PDK1: variants seen among roughly 807,000 people sequenced by gnomAD.
PDK1 encodes pyruvate dehydrogenase kinase 1.
PDK1 carries 39 observed loss-of-function variants against 54.2 expected under a neutral mutation model. That is an observed-to-expected ratio of 0.72 (90% CI 0.56 to 0.94). The LOEUF (loss-of-function observed/expected upper bound fraction) is 0.94. PDK1 is among the 40% of genes least tolerant of loss of function. The pLI is 0.00. For synonymous variants in PDK1, 221 were observed against 207.1 expected, an observed-to-expected ratio of 1.07 and a Z score of -0.58; for missense variants, 552 against 566.0, an observed-to-expected ratio of 0.98 and a Z score of 0.25.
chr2:172,635,016 C>G, the PDK1 span, among the ~76,000 whole-genome samples: 1 of 152,034 alleles, frequency 6.6e-6, no homozygotes, highest in South Asian at 2.1e-4. Flanking sequence ...CAAGCACAAC[C>G]TAAAATGTAG....
chr2:172,564,785 T>G, intron 4 of PDK1, 98 bp downstream of exon 4: 2 of 1,149,008 alleles, frequency 1.7e-6, no homozygotes, highest in Non-Finnish European at 1.2e-6. Context: ...GGAAATTTAG[T>G]TTTACCTTTT....
At chr2:172,692,453 T>C in the PDK1 span, among the ~76,000 whole-genome samples, 3 of 152,214 alleles carry the variant, frequency 2.0e-5, no homozygotes, top group African/African-American at 7.2e-5. Context: ...AGAATCACAC[T>C]CCTTAAGTGT....
At chr2:172,703,671 A>G in the PDK1 span, among the ~76,000 whole-genome samples, 1 of 151,510 alleles carries the variant, frequency 6.6e-6, no homozygotes, top group East Asian at 1.9e-4. Flanking sequence ...GTATTTAAAG[A>G]TCTTTTACTG....
the PDK1 span, among the ~76,000 whole-genome samples, chr2:172,632,678 G>C: frequency 6.6e-6 from 1 of 151,998 alleles, no homozygotes; most frequent in East Asian, 1.9e-4. Context: ...AAATAATGAT[G>C]CATTAGAACA....
chr2:172,622,377 G>A, the PDK1 span, among the ~76,000 whole-genome samples: 1 of 146,600 alleles, frequency 6.8e-6, no homozygotes, highest in Admixed American at 6.8e-5. Context: ...CATATATTAT[G>A]TGAGATATGT....
At position 172,570,812 on chromosome 2, in the gene PDK1, T is replaced by C. The variant is rs1344577573; in HGVS notation, c.933T>C (p.Asp311=). 3 of 1,598,086 alleles carry C rather than the reference T, an allele frequency of 1.9e-6. No individual in the cohort carries two copies. Among genetic ancestry groups the C allele is most frequent in the Non-Finnish European group, 2.6e-6 (3 of 1,166,660 alleles). The change falls in exon 8 of 11, where the codon GAT becomes GAC. Residue 311 remains aspartate (D), a synonymous_variant. Transcript: ENST00000282077. ...TTCATGTCACGCTGGGTAATGAGGA[T>C]TTGACTGTGAAGGTAAATGTGTTTA... ...IQVHVTLGNE[D]LTVKMSDRGG...
chr2:172,696,418 A>G, the PDK1 span, among the ~76,000 whole-genome samples: 2 of 152,228 alleles, frequency 1.3e-5, no homozygotes, highest in South Asian at 2.1e-4. Flanking sequence ...TGTTTTTAAC[A>G]TCTCCTAATT....
chr2:172,569,609 G>A (rs1020271883), intron 7 of PDK1, among the ~76,000 whole-genome samples: 2 of 152,170 alleles, frequency 1.3e-5, no homozygotes, highest in East Asian at 3.8e-4. Flanking sequence ...AAAGTGCACT[G>A]AAACACAGAA....
chr2:172,578,397 T>G (rs1301066624), intron 8 of PDK1, among the ~76,000 whole-genome samples: 1 of 152,210 alleles, frequency 6.6e-6, no homozygotes, highest in African/African-American at 2.4e-5. Flanking sequence ...TTCAACTTAG[T>G]TCTCTTATAT....
In PDK1 at chr2:172,606,349, A is replaced by T. The variant is rs1353484618; in HGVS notation, c.*10380A>T. ...CTCTTGGCATCCACAGAAGGCTAGG[A>T]GGATGTAATGAATACTTACCATTTT... is the stretch of plus-strand genomic sequence containing the variant. On this transcript the variant is annotated 3_prime_UTR_variant, in exon 11 of 11. Transcript: ENST00000282077. 6.6e-6 allele frequency: 1 copy of T among 152,242 alleles called. No individual in the cohort carries two copies. Among genetic ancestry groups the T allele is most frequent in the Non-Finnish European group, 1.5e-5 (1 of 68,044 alleles). 9.4% of individuals were successfully genotyped at this position (152,242 alleles called of 1,614,324 possible).
chr2:172,621,667 G>T, the PDK1 span, among the ~76,000 whole-genome samples: 1 of 145,074 alleles, frequency 6.9e-6, no homozygotes, highest in African/African-American at 2.5e-5. Context: ...TCATATATAT[G>T]ATATATGTTT....
chr2:172,721,110 C>T, the PDK1 span, among the ~76,000 whole-genome samples: 9 of 152,158 alleles, frequency 5.9e-5, no homozygotes, highest in African/African-American at 1.2e-4. Flanking sequence ...TGATGGCAAC[C>T]GGCATCTCTT....
At chr2:172,657,248 A>G in the PDK1 span, among the ~76,000 whole-genome samples, 7 of 149,314 alleles carry the variant, frequency 4.7e-5, no homozygotes, top group African/African-American at 1.7e-4. Context: ...CTGATCTTAA[A>G]CTCCTGGGCT....
chr2:172,573,641 T>C lies in PDK1; in HGVS notation c.945+2817T>C, dbSNP rs1689416804. Among the ~76,000 whole-genome samples the C allele has an allele frequency of 1.4e-5, 2 of 145,998 alleles. 1 individual carries two copies. Among genetic ancestry groups the C allele is most frequent in the South Asian group, 4.3e-4 (2 of 4,652 alleles). Reference sequence around the variant, plus strand: ...TGTGTATATATTCTATGTGTGTGTATATATATATACACTCTCTCTAGATAT... The same window carrying C: ...TGTGTATATATTCTATGTGTGTGTACATATATATACACTCTCTCTAGATAT... On this transcript the variant is annotated intron_variant, in intron 8 of 10. Transcript: ENST00000282077.
the PDK1 span, among the ~76,000 whole-genome samples, chr2:172,622,181 CAT>C: frequency 1.1e-4 from 15 of 135,092 alleles, no homozygotes; most frequent in Non-Finnish European, 2.1e-4. Flanking sequence ...ATGTTTATAT[CAT>C]ATATTATGTG....
the PDK1 span, among the ~76,000 whole-genome samples, chr2:172,657,797 AGC>A: frequency 0.053 from 8,008 of 152,248 alleles, 397 homozygotes; most frequent in East Asian, 0.22. Context: ...GTACAGTCTT[AGC>A]GCATTCTGAG....
At chr2:172,576,032 A>G (rs1027711777) in intron 8 of PDK1, among the ~76,000 whole-genome samples, 2 of 151,924 alleles carry the variant, frequency 1.3e-5, no homozygotes, top group Admixed American at 1.3e-4. Context: ...AGTTCACGCC[A>G]TTCTCCTGCC....
chr2:172,657,452 C>CTTTTTTTTTTTTTTTTTT, the PDK1 span, among the ~76,000 whole-genome samples: 1 of 41,902 alleles, frequency 2.4e-5, no homozygotes, highest in African/African-American at 5.9e-5. Context: ...TTAAATGATG[C>CTTTTTTTTTTTTTTTTTT]TTATATTTTT....
the PDK1 span, among the ~76,000 whole-genome samples, chr2:172,707,516 C>A: frequency 6.6e-6 from 1 of 152,178 alleles, no homozygotes; most frequent in Non-Finnish European, 1.5e-5. Flanking sequence ...CTCCTTGGTG[C>A]TTCCAGGCTG....
Sources: gnomAD v4.1 joint callset for allele counts (sites outside exome capture counted in the v4.1 genomes callset) on GRCh38, gnomAD v4.1.1 for gene constraint, MANE v1.5 for transcripts, NCBI Gene and HGNC (gene_info 2026-07-23, HGNC 2026-07-21) for gene names.